SETD1B: variants seen among roughly 807,000 people sequenced by gnomAD.
SETD1B encodes the protein SET domain containing 1B, histone lysine methyltransferase.
Under a neutral mutation model 148.0 loss-of-function variants are expected in SETD1B, and 7 were observed. The ratio of observed to expected loss-of-function variants is 0.05; its 90% CI spans 0.03 to 0.09. The LOEUF (loss-of-function observed/expected upper bound fraction) is 0.09, where lower values mean the gene tolerates loss of function less well. Ranked by LOEUF, SETD1B falls within the 10% of genes least tolerant of loss-of-function variation. SETD1B has a pLI of 1.00. For missense variants in SETD1B, 2,155 were observed against 2,729.9 expected (o/e 0.79, Z 4.69); for synonymous variants, 1,361 against 1,186.5 (o/e 1.15, Z -3.02).
upstream of SETD1B, chr12:121,801,014 G>C (rs1304381471): frequency 1.3e-5 from 2 of 152,160 alleles, no homozygotes; most frequent in African/African-American, 2.4e-5. Context: ...AGCCTGTAAA[G>C]AAAACTGGTG....
intron 11 of SETD1B, among the ~76,000 whole-genome samples, chr12:121,820,235 T>TG (rs1440964847): frequency 4.6e-5 from 7 of 152,168 alleles, no homozygotes; most frequent in African/African-American, 7.2e-5. Flanking sequence ...GACAAGTCGG[T>TG]GGGGTAGGCC....
At chr12:121,797,764 G>A in the SETD1B span, 7 of 362,936 alleles carry the variant, frequency 1.9e-5, no homozygotes, top group African/African-American at 4.3e-5. Context: ...AGAGGGTAAC[G>A]TGAGAGCAAC....
chr12:121,791,807 G>C, the SETD1B span, among the ~76,000 whole-genome samples: 1 of 152,236 alleles, frequency 6.6e-6, no homozygotes, highest in Non-Finnish European at 1.5e-5. Flanking sequence ...CTGACCTCTT[G>C]CAGGGCAGTG....
chr12:121,821,385 C>T (rs1017220078), intron 11 of SETD1B, among the ~76,000 whole-genome samples: 2 of 148,254 alleles, frequency 1.3e-5, no homozygotes, highest in African/African-American at 2.5e-5. Context: ...TGCAGCGAGC[C>T]GAGATCGTGC....
At chr12:121,792,808 G>T in the SETD1B span, among the ~76,000 whole-genome samples, 1 of 152,248 alleles carries the variant, frequency 6.6e-6, no homozygotes, top group South Asian at 2.1e-4. Flanking sequence ...CACAGAGTCT[G>T]CAGAGACCAC....
chr12:121,810,796 G>A lies in SETD1B; in HGVS notation c.1851G>A (p.Leu617=), dbSNP rs747537518. Residue 617 remains leucine (L), a synonymous_variant, in exon 6 of 17, where the codon CTG becomes CTA. Transcript: ENST00000604567. The surrounding 1 kb of genome is among the most constrained non-coding windows in gnomAD (Gnocchi z 7.6). ...LSQTAEVALD[L]VGDRTPTSEK... Reference sequence around the variant, plus strand: ...AGACAGCTGAGGTGGCCTTGGACCTGGTTGGAGACAGAACCCCGACCTCAG... The same window carrying A: ...AGACAGCTGAGGTGGCCTTGGACCTAGTTGGAGACAGAACCCCGACCTCAG... 6.5e-7 allele frequency: 1 copy of A among 1,531,874 alleles called. No homozygotes were observed. The highest frequency in any genetic ancestry group is 1.2e-5 in the South Asian group (1 of 82,872). The allele number at this position is 1,531,874 out of a possible 1,614,324, so 94.9% of individuals were successfully genotyped here.
At chr12:121,816,540 C>A (rs897798240) in intron 7 of SETD1B, among the ~76,000 whole-genome samples, 14 of 152,352 alleles carry the variant, frequency 9.2e-5, no homozygotes, top group African/African-American at 3.4e-4. Context: ...ATGTGCCCTG[C>A]ACCTTGCAAA....
chr12:121,810,451 C>T lies in SETD1B; in HGVS notation c.1506C>T (p.Arg502=), dbSNP rs1023558300. The change falls in exon 6 of 17, where the codon CGC becomes CGT. Residue 502 remains arginine, a synonymous_variant. Coordinates refer to ENST00000604567, the MANE Select transcript of SETD1B (RefSeq NM_001353345.2). The surrounding 1 kb of genome is among the most constrained non-coding windows in gnomAD (Gnocchi z 7.6). The part of the protein sequence containing the change: ...PEKPHDSLDS[R]IEMLLKEQRT... ...AACCCCACGACAGCCTGGACTCGCG[C>T]ATCGAGATGCTGCTGAAGGAGCAGC... 5 of 1,548,930 alleles carry T rather than the reference C, an allele frequency of 3.2e-6. No homozygotes were observed. Among genetic ancestry groups the T allele is most frequent in the Admixed American group, 3.9e-5 (2 of 51,002 alleles).
Position 121,810,022 on chromosome 12 carries a change from C to T in SETD1B, c.1077C>T (p.Gly359=). Residue 359 remains glycine (G), a synonymous_variant, in exon 6 of 17, where the codon GGC becomes GGT. Coordinates refer to ENST00000604567, the MANE Select transcript of SETD1B (RefSeq NM_001353345.2). The surrounding 1 kb of genome is among the most constrained non-coding windows in gnomAD (Gnocchi z 7.6). ...ACCTCCCGTTCGGAGCAGTCGGCGGCACTGGGGGCAGCAGCGGTCCCCCGT... is the reference window on the plus strand; with the variant it reads ...ACCTCCCGTTCGGAGCAGTCGGCGGTACTGGGGGCAGCAGCGGTCCCCCGT... ...SSDLPFGAVG[G]TGGSSGPPFK... 6.4e-7 allele frequency: 1 copy of T among 1,550,530 alleles called. No homozygotes were observed. The highest frequency in any genetic ancestry group is 8.7e-7 in the Non-Finnish European group (1 of 1,146,940).
At chr12:121,812,667 A>G (rs1484102175) in intron 6 of SETD1B, among the ~76,000 whole-genome samples, 2 of 152,036 alleles carry the variant, frequency 1.3e-5, no homozygotes, top group Admixed American at 6.5e-5. Context: ...GGCTCTGTCC[A>G]GGACTGATCT....
At chr12:121,798,517 C>T in the SETD1B span, among the ~76,000 whole-genome samples, 2 of 152,366 alleles carry the variant, frequency 1.3e-5, no homozygotes, top group Non-Finnish European at 2.9e-5. Flanking sequence ...GCACTTAATC[C>T]TCCCACCACC....
chr12:121,819,951 G>A (rs1053458047), intron 11 of SETD1B, 56 bp downstream of exon 11: 3 of 1,427,936 alleles, frequency 2.1e-6, no homozygotes, highest in Admixed American at 4.6e-5. Context: ...AGTCCTCACT[G>A]TCAGAATCAG....
At position 121,817,001 on chromosome 12, in the gene SETD1B, G is replaced by A. The variant is rs1190537850; in HGVS notation, c.2716-32G>A. The A allele has an allele frequency of 6.8e-7, 1 of 1,469,806 alleles. No individual in the cohort carries two copies. The highest frequency in any genetic ancestry group is 9.1e-7 in the Non-Finnish European group (1 of 1,104,594). 91.0% of individuals were successfully genotyped at this position (1,469,806 alleles called of 1,614,324 possible). ...CCTGCAAGGGTTGGTGGTGCCAGAA[G>A]CGGTGACGGTCCCCTCCTGTCTCCA... On this transcript the variant is annotated intron_variant, in intron 7 of 16. Transcript: ENST00000604567. The surrounding 1 kb of genome is among the most constrained non-coding windows in gnomAD (Gnocchi z 8.1).
In SETD1B at chr12:121,808,647, CAT is replaced by C. The variant is rs1464887345; in HGVS notation, c.657+328_657+329del. 6.6e-6 allele frequency among the ~76,000 whole-genome samples: 1 copy of C among 152,254 alleles called. No individual in the cohort carries two copies. Among genetic ancestry groups the C allele is most frequent in the African/African-American group, 2.4e-5 (1 of 41,474 alleles). On this transcript the variant is annotated intron_variant, in intron 5 of 16. Transcript: ENST00000604567. This position sits in a 1 kb window ranked among gnomAD's most constrained non-coding sequence, Gnocchi z 5.3. Reference sequence around the variant, plus strand: ...CCCGCTTTTCCACGTTGATGCCAAACATTGCTGTTTCCGGGGTCCTTAGTGTC... The same window carrying C: ...CCCGCTTTTCCACGTTGATGCCAAACTGCTGTTTCCGGGGTCCTTAGTGTC...
rs999756704 is a variant in SETD1B, at chr12:121,830,421, G to A, written c.*182G>A. 30 of 555,954 alleles carry A rather than the reference G, an allele frequency of 5.4e-5. No homozygotes were observed. Among genetic ancestry groups the A allele is most frequent in the East Asian group, 2.7e-4 (9 of 33,692 alleles). The allele number at this position is 555,954 out of a possible 1,614,324, so 34.4% of individuals were successfully genotyped here. On this transcript the variant is annotated 3_prime_UTR_variant, in exon 17 of 17. Coordinates refer to ENST00000604567, the MANE Select transcript of SETD1B (RefSeq NM_001353345.2). The surrounding 1 kb of genome is among the most constrained non-coding windows in gnomAD (Gnocchi z 5.7). ...TGGAGCCCCTGGCTCCGGCCCCTCCGCGGGAAAGGGCTTCTCTGTCGTTCA... is the reference window on the plus strand; with the variant it reads ...TGGAGCCCCTGGCTCCGGCCCCTCCACGGGAAAGGGCTTCTCTGTCGTTCA...
chr12:121,812,718 C>G (rs1344122002), intron 6 of SETD1B, among the ~76,000 whole-genome samples: 1 of 152,128 alleles, frequency 6.6e-6, no homozygotes, highest in Non-Finnish European at 1.5e-5. Flanking sequence ...CCGTCTGTCT[C>G]TTCTTGATGT....
chr12:121,816,103 C>T (rs986963393), intron 7 of SETD1B, among the ~76,000 whole-genome samples: 2 of 152,176 alleles, frequency 1.3e-5, no homozygotes, highest in African/African-American at 4.8e-5. Flanking sequence ...GCTGGGATTA[C>T]AGATGTGAGC....
rs1285044403 is a variant in SETD1B at position 121,817,583 on chromosome 12, C to T, written c.3191C>T (p.Ala1064Val). Residue 1064 changes from alanine to valine, a missense_variant, in exon 9 of 17, where the codon GCC becomes GTC. Around this residue, in one of 11 missense-constraint regions of SETD1B, gnomAD observed 862 missense variants for 873.8 expected, o/e 0.99. Transcript: ENST00000604567. The surrounding 1 kb of genome is among the most constrained non-coding windows in gnomAD (Gnocchi z 8.1). Reference sequence around the variant, plus strand: ...TCAACCACCTCACCCTCGTCCTCGGCCTCCGACAAGGAGGAGGAACAGGAG... The same window carrying T: ...TCAACCACCTCACCCTCGTCCTCGGTCTCCGACAAGGAGGAGGAACAGGAG... ...GSSTTSPSSS[A>V]SDKEEEQEST... The T allele has an allele frequency of 1.3e-6, 2 of 1,551,406 alleles. No individual in the cohort carries two copies. The highest frequency in any genetic ancestry group is 3.9e-5 in the Admixed American group (2 of 51,008).
chr12:121,810,785 G>C lies in SETD1B; in HGVS notation c.1840G>C (p.Ala614Pro). The C allele has an allele frequency of 2.6e-6, 4 of 1,539,160 alleles. No individual in the cohort carries two copies. The highest frequency in any genetic ancestry group is 3.5e-6 in the Non-Finnish European group (4 of 1,138,798). The part of the protein sequence containing the change: ...AGLLSQTAEV[A>P]LDLVGDRTPT... Reference sequence around the variant, plus strand: ...GCTTCTGAGCCAGACAGCTGAGGTGGCCTTGGACCTGGTTGGAGACAGAAC... The same window carrying C: ...GCTTCTGAGCCAGACAGCTGAGGTGCCCTTGGACCTGGTTGGAGACAGAAC... Residue 614 changes from alanine (A) to proline (P), a missense_variant, in exon 6 of 17, where the codon GCC becomes CCC. This residue lies in a region of SETD1B where 295 missense variants were observed against 303.8 expected (regional missense o/e 0.97). Coordinates refer to ENST00000604567, the MANE Select transcript of SETD1B (RefSeq NM_001353345.2). The surrounding 1 kb of genome is among the most constrained non-coding windows in gnomAD (Gnocchi z 7.6).
Sources: gnomAD v4.1 joint callset for allele counts (sites outside exome capture counted in the v4.1 genomes callset) on GRCh38, gnomAD v4.1.1 for gene constraint, gnomAD v4.1.1 regional missense constraint, Gnocchi (gnomAD v3.1) non-coding constraint, MANE v1.5 for transcripts, NCBI Gene and HGNC (gene_info 2026-07-23, HGNC 2026-07-21) for gene names.